The following UIMC1 variants were observed in gnomAD, a reference collection of about 807,000 sequenced individuals.
UIMC1 encodes the protein BRCA1-A complex subunit RAP80.
UIMC1 carries 42 observed loss-of-function variants against 84.9 expected under a neutral mutation model. The ratio of observed to expected loss-of-function variants is 0.49; its 90% confidence interval spans 0.39 to 0.64. The LOEUF (loss-of-function observed/expected upper bound fraction) is 0.64, where lower values mean the gene tolerates loss of function less well. UIMC1 is among the 30% of genes least tolerant of loss of function. The probability of loss-of-function intolerance (pLI) is 0.00; values close to 1 mark genes in which losing one functional copy is unlikely to be tolerated. For missense variants in UIMC1, 825 were observed against 847.6 expected, an observed-to-expected ratio of 0.97 and a Z score of 0.33; for synonymous variants, 281 against 293.0, an observed-to-expected ratio of 0.96 and a Z score of 0.42.
At chr5:176,977,700 A>G (rs1770345641) in intron 2 of UIMC1, among the ~76,000 whole-genome samples, 2 of 151,972 alleles carry the variant, frequency 1.3e-5, no homozygotes, top group South Asian at 4.2e-4. Flanking sequence ...ACCTGAGGTC[A>G]GGAGTTTGAG....
At chr5:176,951,333 A>G in intron 9 of UIMC1, 141 bp downstream of exon 9, 2 of 560,012 alleles carry the variant, frequency 3.6e-6, no homozygotes, top group Non-Finnish European at 6.3e-6. Context: ...TTAACTATAA[A>G]AATCTCTCCC....
intron 11 of UIMC1, among the ~76,000 whole-genome samples, 191 bp downstream of exon 11, chr5:176,911,117 AAAG>A (rs1156439526): frequency 5.2e-5 from 1 of 19,260 alleles, no homozygotes; most frequent in South Asian, 2.4e-3. Flanking sequence ...AGAGAGAAGA[AAAG>A]AAAAGAAAAG....
At chr5:176,943,066 A>AACAG (rs200820919) in intron 10 of UIMC1, among the ~76,000 whole-genome samples, 4,029 of 151,080 alleles carry the variant, frequency 0.027, 82 homozygotes, top group South Asian at 0.098. Context: ...TCAAAAAACA[A>AACAG]ACAGAACAAA....
At chr5:177,017,431 A>G (rs1051068156) in intron 1 of UIMC1, among the ~76,000 whole-genome samples, 3 of 152,042 alleles carry the variant, frequency 2.0e-5, no homozygotes, top group Non-Finnish European at 4.4e-5. Context: ...CTTCTTGCCC[A>G]GGCTGGAGTA....
chr5:176,952,461 T>C (rs1373371999), intron 8 of UIMC1, among the ~76,000 whole-genome samples: 1 of 152,192 alleles, frequency 6.6e-6, no homozygotes. Context: ...ATACAGCTCA[T>C]GGGCCAAATC....
At chr5:176,905,816 C>T in intron 14 of UIMC1, 195 bp downstream of exon 14, 1 of 650,774 alleles carries the variant, frequency 1.5e-6, no homozygotes, top group Non-Finnish European at 2.6e-6. Context: ...TTTGTTTTAA[C>T]ACAATGAATG....
chr5:177,018,863 C>T (rs1214977044), intron 1 of UIMC1, among the ~76,000 whole-genome samples: 3 of 152,052 alleles, frequency 2.0e-5, no homozygotes, highest in African/African-American at 7.2e-5. Flanking sequence ...GGTTGTTTTC[C>T]AATAATATGC....
rs143612073 is a variant in UIMC1, at chr5:176,967,048, T to C, written c.1200+1507A>G. On this transcript the variant is annotated intron_variant, in intron 6 of 14. Transcript: ENST00000511320. ...GAAGTCTGACAATACTGCATTACTGTAGGTATGGAGAAACTAGTATTCATA... is the reference window on the plus strand; with the variant it reads ...GAAGTCTGACAATACTGCATTACTGCAGGTATGGAGAAACTAGTATTCATA... Among the ~76,000 whole-genome samples, 783 of 152,332 alleles carry C rather than the reference T, an allele frequency of 5.1e-3. 8 individuals are homozygous for C. The highest frequency in any genetic ancestry group is 0.015 in the African/African-American group (641 of 41,592).
intron 3 of UIMC1, among the ~76,000 whole-genome samples, chr5:176,972,283 T>G (rs1769362816): frequency 6.6e-6 from 1 of 151,668 alleles, no homozygotes; most frequent in African/African-American, 2.4e-5. Context: ...GCGCCTATAG[T>G]CCCAGCTACT....
chr5:177,014,038 G>T (rs916302736), intron 1 of UIMC1, among the ~76,000 whole-genome samples: 1 of 150,930 alleles, frequency 6.6e-6, no homozygotes, highest in Non-Finnish European at 1.5e-5. Flanking sequence ...TAGACTCAGT[G>T]AGCCACTTTT....
At chr5:176,925,817 G>T (rs542509196) in intron 10 of UIMC1, among the ~76,000 whole-genome samples, 1 of 152,112 alleles carries the variant, frequency 6.6e-6, no homozygotes, top group African/African-American at 2.4e-5. Context: ...TTAATGCTCC[G>T]TGTCTTGATA....
intron 3 of UIMC1, among the ~76,000 whole-genome samples, chr5:176,973,763 T>C (rs1029784033): frequency 3.3e-5 from 5 of 151,960 alleles, no homozygotes; most frequent in Non-Finnish European, 5.9e-5. Context: ...ACTAGCTGGA[T>C]GTGGTGGTAT....
intron 10 of UIMC1, among the ~76,000 whole-genome samples, chr5:176,926,340 G>T (rs189495515): frequency 2.0e-5 from 3 of 152,156 alleles, no homozygotes; most frequent in Admixed American, 6.6e-5. Flanking sequence ...GAATGATCTT[G>T]TTCTTAAGAG....
intron 9 of UIMC1, among the ~76,000 whole-genome samples, chr5:176,946,812 G>C (rs1179810931): frequency 6.6e-6 from 1 of 152,176 alleles, no homozygotes; most frequent in Admixed American, 6.5e-5. Flanking sequence ...TCCAGCCTAG[G>C]CAACAGAGGG....
chr5:176,908,449 G>A (rs1010463961), intron 12 of UIMC1, 74 bp downstream of exon 12: 1 of 1,485,238 alleles, frequency 6.7e-7, no homozygotes, highest in Non-Finnish European at 9.1e-7. Context: ...GGAAAAGCCA[G>A]AACAGAACTG....
intron 5 of UIMC1, 43 bp from the exon 6 acceptor site, chr5:176,969,334 T>C (rs2062057687): frequency 1.3e-6 from 2 of 1,550,996 alleles, no homozygotes; most frequent in African/African-American, 1.4e-5. Flanking sequence ...ACAAACTTTT[T>C]TATTAAGAGG....
chr5:176,995,843 C>CAA (rs34672103), intron 1 of UIMC1, among the ~76,000 whole-genome samples: 17 of 79,584 alleles, frequency 2.1e-4, no homozygotes, highest in South Asian at 4.2e-4. Flanking sequence ...AACTCCATCT[C>CAA]AAAAAAAAAA....
At chr5:176,922,251 A>G (rs1384165926) in intron 10 of UIMC1, among the ~76,000 whole-genome samples, 6 of 152,230 alleles carry the variant, frequency 3.9e-5, no homozygotes, top group African/African-American at 1.4e-4. Context: ...CAGCTTGCAG[A>G]ACAGTATCTG....
At chr5:176,936,629 A>C (rs1177504907) in intron 10 of UIMC1, among the ~76,000 whole-genome samples, 2 of 152,112 alleles carry the variant, frequency 1.3e-5, no homozygotes, top group African/African-American at 2.4e-5. Flanking sequence ...CTCTGGTTTC[A>C]CTGTTTATCT....
Sources: allele counts gnomAD v4.1 joint callset (sites outside exome capture counted in the v4.1 genomes callset), GRCh38; gene constraint gnomAD v4.1.1; transcripts MANE v1.5; gene names NCBI Gene and HGNC (gene_info 2026-07-23, HGNC 2026-07-21).